The following CD6 variants were observed in gnomAD, a reference collection of about 807,000 sequenced individuals.
CD6 encodes CD6 molecule.
CD6 carries 53 observed loss-of-function variants against 75.3 expected under a neutral mutation model. The observed-to-expected ratio is 0.70, with a 90% CI of 0.56 to 0.88. The LOEUF (loss-of-function observed/expected upper bound fraction) is 0.88. Ranked by LOEUF, CD6 falls within the 40% of genes least tolerant of loss-of-function variation. The pLI is 0.00. For missense variants in CD6, 770 were observed against 897.1 expected (o/e 0.86, Z 1.81); for synonymous variants, 359 against 381.5 (o/e 0.94, Z 0.69).
chr11:61,013,360 A>G (rs916849821), intron 6 of CD6, 63 bp from the exon 7 acceptor site: 10 of 1,576,482 alleles, frequency 6.3e-6, no homozygotes, highest in Non-Finnish European at 8.7e-6. Context: ...AGAGAATGGA[A>G]AGGCAAGAAG....
chr11:61,008,426 T>C, intron 3 of CD6, 108 bp from the exon 4 acceptor site: 3 of 1,099,572 alleles, frequency 2.7e-6, no homozygotes, highest in Non-Finnish European at 3.8e-6. Flanking sequence ...TACAGCCCTC[T>C]CACTGGGTCC....
intron 1 of CD6, chr11:60,985,003 T>G (rs1029016072): frequency 6.6e-6 from 1 of 152,212 alleles, no homozygotes; most frequent in Non-Finnish European, 1.5e-5. Context: ...TTGCCCTTCA[T>G]GCATATACAA....
intron 1 of CD6, among the ~76,000 whole-genome samples, chr11:60,973,074 C>A (rs983614445): frequency 6.6e-6 from 1 of 152,230 alleles, no homozygotes; most frequent in African/African-American, 2.4e-5. Context: ...AGAGTGGCCC[C>A]CTTTCCTCTT....
chr11:60,974,048 G>A (rs1857281844), intron 1 of CD6, among the ~76,000 whole-genome samples: 1 of 152,170 alleles, frequency 6.6e-6, no homozygotes, highest in Non-Finnish European at 1.5e-5. Flanking sequence ...ATCTGCTTGT[G>A]GGGAGTTTGT....
chr11:60,982,531 C>T, intron 1 of CD6: 1 of 454,240 alleles, frequency 2.2e-6, no homozygotes, highest in Non-Finnish European at 4.4e-6. Flanking sequence ...GGAGACAGAG[C>T]TGAGGAAGCC....
chr11:60,973,199 G>A (rs1446205533), intron 1 of CD6, among the ~76,000 whole-genome samples: 1 of 152,236 alleles, frequency 6.6e-6, no homozygotes, highest in Non-Finnish European at 1.5e-5. Context: ...AGGGCCAGGG[G>A]CTGAGCTAGG....
chr11:61,018,480 C>G (rs1859530799), intron 12 of CD6, 87 bp downstream of exon 12: 11 of 887,088 alleles, frequency 1.2e-5, no homozygotes, highest in South Asian at 3.4e-5. Context: ...TGCATTCGCT[C>G]AAGGGGAAAA....
intron 3 of CD6, chr11:61,008,228 T>A (rs1858968255): frequency 4.4e-6 from 2 of 449,770 alleles, no homozygotes; most frequent in Admixed American, 3.8e-5. Flanking sequence ...CCGCTCTGGG[T>A]CTCTCCTCCC....
In CD6 at chr11:61,008,724, C is replaced by T. The variant is rs368664651; in HGVS notation, c.660C>T (p.Arg220=). The change falls in exon 4 of 13, where the codon CGC becomes CGT. Residue 220 remains arginine, a synonymous_variant. Transcript: ENST00000313421. ...ALPGLHFTPG[R]GPIHRDQVNC... is the part of the protein sequence containing the mutation. ...CCGGCTTGCACTTCACGCCCGGCCG[C>T]GGGCCTATCCACCGGGACCAGGTGA... The T allele has an allele frequency of 6.2e-7, 1 of 1,608,134 alleles. No individual in the cohort carries two copies. The highest frequency in any genetic ancestry group is 8.5e-7 in the Non-Finnish European group (1 of 1,177,550).
chr11:61,019,206 C>A, intron 12 of CD6, 48 bp from the exon 13 acceptor site: 3 of 1,447,738 alleles, frequency 2.1e-6, no homozygotes, highest in Non-Finnish European at 2.9e-6. Flanking sequence ...TGTGGGGCAG[C>A]AGGGCAATGA....
At chr11:61,015,678 A>T in intron 8 of CD6, 35 bp from the exon 9 acceptor site, 1 of 1,612,430 alleles carries the variant, frequency 6.2e-7, no homozygotes, top group Non-Finnish European at 8.5e-7. Flanking sequence ...TCCGCCCACC[A>T]CTTTGCCATG....
chr11:61,013,119 G>A (rs1180732998), intron 6 of CD6, among the ~76,000 whole-genome samples: 1 of 152,194 alleles, frequency 6.6e-6, no homozygotes, highest in East Asian at 1.9e-4. Flanking sequence ...GTACTCAATA[G>A]TTGTCTATTG....
At chr11:60,983,993 A>G (rs1857691885) in intron 1 of CD6, among the ~76,000 whole-genome samples, 1 of 151,830 alleles carries the variant, frequency 6.6e-6, no homozygotes, top group Non-Finnish European at 1.5e-5. Flanking sequence ...TCACAGAAGC[A>G]CGTTTTGTCC....
chr11:60,984,796 C>T (rs1857734638), intron 1 of CD6, among the ~76,000 whole-genome samples: 1 of 152,172 alleles, frequency 6.6e-6, no homozygotes. Flanking sequence ...AGGGAGAGGA[C>T]ATTCCCGTCA....
rs368107519 is a variant in CD6, at chr11:61,015,849, C to A, written c.1510+14C>A. On this transcript the variant is annotated intron_variant, in intron 9 of 12. Transcript: ENST00000313421. ...CCACCTTCTACAGTGAGTGCCTGGC[C>A]GGGCTCCCGAGGGCCCACCTACCTG... 2.5e-6 allele frequency: 4 copies of A among 1,613,502 alleles called. No individual in the cohort carries two copies. The highest frequency in any genetic ancestry group is 1.3e-5 in the African/African-American group (1 of 74,930).
At chr11:60,999,884 TA>T (rs1389325311) in intron 1 of CD6, among the ~76,000 whole-genome samples, 1 of 151,670 alleles carries the variant, frequency 6.6e-6, no homozygotes, top group African/African-American at 2.4e-5. Context: ...CCATCTCTAC[TA>T]AAAATATAAA....
intron 1 of CD6, 146 bp from the exon 2 acceptor site, chr11:61,006,428 G>A (rs1858861262): frequency 4.8e-6 from 3 of 621,942 alleles, no homozygotes; most frequent in Non-Finnish European, 8.6e-6. Flanking sequence ...GGAGGCCAAT[G>A]CACCCAAAGT....
At chr11:60,977,052 T>C (rs966820674) in intron 1 of CD6, among the ~76,000 whole-genome samples, 2 of 152,132 alleles carry the variant, frequency 1.3e-5, no homozygotes, top group Admixed American at 6.6e-5. Context: ...ATTGGGGCCA[T>C]GGAACGGGGT....
intron 1 of CD6, among the ~76,000 whole-genome samples, chr11:60,981,944 G>A (rs979633224): frequency 6.6e-6 from 1 of 152,004 alleles, no homozygotes; most frequent in South Asian, 2.1e-4. Context: ...GGTCTCCACC[G>A]TGTGCTAGGG....
Sources: gnomAD v4.1 joint callset for allele counts (sites outside exome capture counted in the v4.1 genomes callset) on GRCh38, gnomAD v4.1.1 for gene constraint, MANE v1.5 for transcripts, NCBI Gene and HGNC (gene_info 2026-07-23, HGNC 2026-07-21) for gene names.